Variants in LHFPL3 observed in about 807,000 individuals in gnomAD.
The protein encoded by LHFPL3 is LHFPL tetraspan subfamily member 3 protein.
A neutral mutation model predicts 19.3 loss-of-function variants in LHFPL3; 5 were observed. The ratio of observed to expected loss-of-function variants is 0.26; its 90% confidence interval spans 0.14 to 0.54. The LOEUF (loss-of-function observed/expected upper bound fraction) is 0.54, where lower values mean the gene tolerates loss of function less well. Among genes scored for constraint, LHFPL3 ranks in the 20% least tolerant of loss-of-function variants. LHFPL3 has a pLI of 0.94. For synonymous variants in LHFPL3, 133 were observed against 126.2 expected (o/e 1.05, Z -0.36); for missense variants, 249 against 307.4 (o/e 0.81, Z 1.42).
chr7:104,683,557 A>G (rs1792751121), intron 1 of LHFPL3, among the ~76,000 whole-genome samples: 1 of 151,560 alleles, frequency 6.6e-6, no homozygotes, highest in South Asian at 2.1e-4. Flanking sequence ...ATTCCCCCCA[A>G]AATAAATCAC....
intron 1 of LHFPL3, among the ~76,000 whole-genome samples, chr7:104,662,060 A>G (rs1455085008): frequency 6.6e-6 from 1 of 152,244 alleles, no homozygotes; most frequent in Non-Finnish European, 1.5e-5. Flanking sequence ...GGATGGCCCA[A>G]AACATTATCA....
chr7:104,523,062 C>T (rs1584378815), intron 1 of LHFPL3, among the ~76,000 whole-genome samples: 1 of 149,542 alleles, frequency 6.7e-6, no homozygotes, highest in African/African-American at 2.5e-5. Flanking sequence ...TACATATACA[C>T]ATATATATAC....
chr7:104,770,109 T>C (rs1794526377), intron 2 of LHFPL3, among the ~76,000 whole-genome samples: 1 of 152,142 alleles, frequency 6.6e-6, no homozygotes, highest in South Asian at 2.1e-4. Context: ...AGAGTCAGCC[T>C]GGTACGAGAT....
At chr7:104,425,290 T>C (rs894074157) in intron 1 of LHFPL3, among the ~76,000 whole-genome samples, 1 of 152,172 alleles carries the variant, frequency 6.6e-6, no homozygotes, top group African/African-American at 2.4e-5. Flanking sequence ...GAGGTTTATA[T>C]GTTGCATACA....
At chr7:104,703,068 C>A (rs1562968977) in intron 1 of LHFPL3, among the ~76,000 whole-genome samples, 2 of 152,168 alleles carry the variant, frequency 1.3e-5, no homozygotes, top group African/African-American at 2.4e-5. Flanking sequence ...TTTTTAACTT[C>A]AAGTATCTAT....
At chr7:104,585,956 C>A (rs1311588633) in intron 1 of LHFPL3, among the ~76,000 whole-genome samples, 1 of 151,906 alleles carries the variant, frequency 6.6e-6, no homozygotes, top group Admixed American at 6.6e-5. Flanking sequence ...CTGAATTAAT[C>A]AAATTACCTT....
chr7:104,661,783 G>C (rs1240361274), intron 1 of LHFPL3, among the ~76,000 whole-genome samples: 2 of 152,174 alleles, frequency 1.3e-5, no homozygotes, highest in African/African-American at 4.8e-5. Flanking sequence ...ACATCAGCAT[G>C]AAATATTTTT....
At chr7:104,846,505 G>A (rs1791315313) in intron 2 of LHFPL3, among the ~76,000 whole-genome samples, 1 of 151,888 alleles carries the variant, frequency 6.6e-6, no homozygotes, top group Non-Finnish European at 1.5e-5. Flanking sequence ...TTCTAGAGCT[G>A]ATGAGTCCTT....
At chr7:104,824,470 AAT>A (rs1347491297) in intron 2 of LHFPL3, among the ~76,000 whole-genome samples, 1 of 45,670 alleles carries the variant, frequency 2.2e-5, no homozygotes, top group Non-Finnish European at 3.6e-5. Flanking sequence ...TTTTATATAT[AAT>A]ATATAATTAT....
At chr7:104,563,987 T>A (rs772314939) in intron 1 of LHFPL3, among the ~76,000 whole-genome samples, 59 of 152,312 alleles carry the variant, frequency 3.9e-4, no homozygotes, top group Non-Finnish European at 6.6e-4. Flanking sequence ...ACAATAGTAA[T>A]AGCTACCATT....
At chr7:104,563,406 C>T (rs1192038746) in intron 1 of LHFPL3, among the ~76,000 whole-genome samples, 16 of 152,348 alleles carry the variant, frequency 1.1e-4, no homozygotes, top group African/African-American at 3.6e-4. Flanking sequence ...TTAAGCCCGT[C>T]GGAAAAGCAC....
intron 1 of LHFPL3, among the ~76,000 whole-genome samples, chr7:104,430,041 CTGAGTG>C (rs1399167160): frequency 2.6e-5 from 4 of 151,908 alleles, no homozygotes; most frequent in Non-Finnish European, 5.9e-5. Context: ...TCAACATCGT[CTGAGTG>C]TAATAGTGAG....
rs151270033 is a variant in LHFPL3, at chr7:104,650,863, G to A, written c.446-85812G>A. Among the ~76,000 whole-genome samples the A allele has an allele frequency of 8.5e-5, 13 of 152,204 alleles. 1 individual carries two copies. In the East Asian group the frequency reaches 2.3e-3, roughly 27 times the overall value. ...TATGGTGACTCAAAATTTCTATGGGGCATCACTAAGAAACTTGTAAGATGA... is the reference window on the plus strand; with the variant it reads ...TATGGTGACTCAAAATTTCTATGGGACATCACTAAGAAACTTGTAAGATGA... On this transcript the variant is annotated intron_variant, in intron 1 of 2. Transcript: ENST00000424859.
chr7:104,376,906 T>A (rs1008876470), intron 1 of LHFPL3, among the ~76,000 whole-genome samples: 2 of 152,216 alleles, frequency 1.3e-5, no homozygotes, highest in Non-Finnish European at 2.9e-5. Context: ...CAAAGCAAAT[T>A]AGCATTGTTG....
At chr7:104,390,235 C>T (rs143950829) in intron 1 of LHFPL3, among the ~76,000 whole-genome samples, 10,058 of 151,918 alleles carry the variant, frequency 0.066, 357 homozygotes, top group Middle Eastern at 0.099. Context: ...ATGTGCACAA[C>T]GTGCAGGTTT....
chr7:104,490,262 A>G (rs117630143), intron 1 of LHFPL3, among the ~76,000 whole-genome samples: 90 of 152,272 alleles, frequency 5.9e-4, no homozygotes, highest in Non-Finnish European at 1.1e-3. Flanking sequence ...ACCTCCAAAC[A>G]AGTGACCAAC....
chr7:104,655,987 G>A (rs1792114168), intron 1 of LHFPL3, among the ~76,000 whole-genome samples: 2 of 152,018 alleles, frequency 1.3e-5, no homozygotes, highest in African/African-American at 4.8e-5. Flanking sequence ...TTACCAGGCA[G>A]GTTTCATTTC....
chr7:104,715,983 A>G (rs978171676), intron 1 of LHFPL3, among the ~76,000 whole-genome samples: 22 of 152,136 alleles, frequency 1.4e-4, no homozygotes, highest in African/African-American at 5.3e-4. Flanking sequence ...AATTATTTAA[A>G]TGTATGGTAG....
At chr7:104,725,649 C>T (rs1371283010) in intron 1 of LHFPL3, among the ~76,000 whole-genome samples, 2 of 152,134 alleles carry the variant, frequency 1.3e-5, no homozygotes, top group East Asian at 3.9e-4. Context: ...ATCTTGTTAT[C>T]ACTAGACAAT....
Sources: gnomAD v4.1 joint callset for allele counts (sites outside exome capture counted in the v4.1 genomes callset) on GRCh38, gnomAD v4.1.1 for gene constraint, MANE v1.5 for transcripts, NCBI Gene and HGNC (gene_info 2026-07-23, HGNC 2026-07-21) for gene names.